Variants in RAD51B observed in about 807,000 individuals in gnomAD.
RAD51B encodes DNA repair protein RAD51 homolog 2.
Under a neutral mutation model 42.2 loss-of-function variants are expected in RAD51B, and 38 were observed. The observed-to-expected ratio is 0.90, with a 90% CI of 0.70 to 1.18. RAD51B has a LOEUF of 1.18. RAD51B is among the 50% of genes most tolerant of loss of function. The pLI is 0.00. For missense variants in RAD51B, 373 were observed against 400.7 expected, an observed-to-expected ratio of 0.93 and a Z score of 0.59; for synonymous variants, 154 against 145.2, an observed-to-expected ratio of 1.06 and a Z score of -0.43.
chr14:68,024,086 C>T (rs2075912241), intron 7 of RAD51B, among the ~76,000 whole-genome samples: 1 of 152,146 alleles, frequency 6.6e-6, no homozygotes, highest in Admixed American at 6.5e-5. Flanking sequence ...TATCCCAGCA[C>T]CATTTATTGA....
chr14:68,594,481 T>C (rs905138500), intron 10 of RAD51B: 1 of 1,367,480 alleles, frequency 7.3e-7, no homozygotes, highest in Non-Finnish European at 9.7e-7. Flanking sequence ...TCTCTCTCTC[T>C]TAGAGACAAC....
At chr14:68,102,764 G>A (rs891184332) in intron 7 of RAD51B, among the ~76,000 whole-genome samples, 6 of 151,864 alleles carry the variant, frequency 4.0e-5, no homozygotes, top group Non-Finnish European at 7.4e-5. Flanking sequence ...CACATTCTTG[G>A]GTATCCTTAT....
chr14:68,355,242 A>G lies in RAD51B; in HGVS notation c.854-56182A>G, dbSNP rs577871554. 3.9e-5 allele frequency among the ~76,000 whole-genome samples: 6 copies of G among 152,352 alleles called. No homozygotes were observed. In the East Asian group the frequency reaches 9.6e-4, roughly 24 times the overall value. ...TGTTTGTTAACTCTTTGAGTTTCATAAAGAAAACATTAATACAAATTTTAT... is the reference window on the plus strand; with the variant it reads ...TGTTTGTTAACTCTTTGAGTTTCATGAAGAAAACATTAATACAAATTTTAT... On this transcript the variant is annotated intron_variant, in intron 8 of 10. Transcript: ENST00000471583.
intron 8 of RAD51B, among the ~76,000 whole-genome samples, chr14:68,366,971 A>G (rs2083154248): frequency 6.6e-6 from 1 of 152,270 alleles, no homozygotes. Flanking sequence ...TATATCAAAC[A>G]TATAAGAAGG....
intron 7 of RAD51B, among the ~76,000 whole-genome samples, chr14:68,031,982 C>T (rs1421168454): frequency 6.6e-6 from 1 of 152,098 alleles, no homozygotes; most frequent in Non-Finnish European, 1.5e-5. Flanking sequence ...TATCTTTCTC[C>T]CAAATTCTGT....
chr14:68,423,738 A>G (rs1013629145), intron 9 of RAD51B, among the ~76,000 whole-genome samples: 9 of 152,216 alleles, frequency 5.9e-5, no homozygotes, highest in African/African-American at 1.9e-4. Context: ...GTCACCTTCA[A>G]TACTTATACT....
chr14:68,410,460 A>G lies in RAD51B; in HGVS notation c.854-964A>G, dbSNP rs960422752. On this transcript the variant is annotated intron_variant, in intron 8 of 10. Transcript: ENST00000471583. ...AGTCTCCTCATAGAAAAAAGATCGCATCTGGAGGCAACAAGGCACACTAAA... is the reference window on the plus strand; with the variant it reads ...AGTCTCCTCATAGAAAAAAGATCGCGTCTGGAGGCAACAAGGCACACTAAA... Among the ~76,000 whole-genome samples, 7 of 152,194 alleles carry G rather than the reference A, an allele frequency of 4.6e-5. No individual in the cohort carries two copies. In the East Asian group the frequency reaches 1.2e-3, roughly 25 times the overall value.
chr14:67,927,625 A>G lies in RAD51B; in HGVS notation c.756+40421A>G, dbSNP rs945556197. 7.7e-4 allele frequency among the ~76,000 whole-genome samples: 117 copies of G among 152,174 alleles called. 1 individual carries two copies. The highest frequency in any genetic ancestry group is 2.8e-3 in the African/African-American group (115 of 41,498). ...GTGCTGGGCTTATTTTGCGTAACAT[A>G]ATGACGTCCAATTCCATCCATGTCA... On this transcript the variant is annotated intron_variant, in intron 7 of 10. Coordinates refer to ENST00000471583, the MANE Select transcript of RAD51B (RefSeq NM_133510.4).
intron 7 of RAD51B, among the ~76,000 whole-genome samples, chr14:67,967,257 C>T (rs1232488160): frequency 6.6e-6 from 1 of 152,158 alleles, no homozygotes; most frequent in East Asian, 1.9e-4. Context: ...TATGGGAGTA[C>T]AGTTCAAGAT....
chr14:68,196,835 C>G (rs1273492670), intron 7 of RAD51B, among the ~76,000 whole-genome samples: 1 of 152,160 alleles, frequency 6.6e-6, no homozygotes, highest in African/African-American at 2.4e-5. Context: ...TATGCTTGCC[C>G]CACAAAGGTG....
intron 7 of RAD51B, among the ~76,000 whole-genome samples, chr14:67,965,535 A>C (rs2074756623): frequency 6.6e-6 from 1 of 152,132 alleles, no homozygotes; most frequent in South Asian, 2.1e-4. Context: ...CCCCATTAAC[A>C]CATAAGGGAT....
chr14:68,400,222 G>A (rs1289976440), intron 8 of RAD51B, among the ~76,000 whole-genome samples: 1 of 152,166 alleles, frequency 6.6e-6, no homozygotes, highest in Non-Finnish European at 1.5e-5. Context: ...TGGCCACCTG[G>A]CTTTCTCCTT....
intron 10 of RAD51B, among the ~76,000 whole-genome samples, chr14:68,524,225 A>G (rs1454534238): frequency 6.6e-6 from 1 of 152,234 alleles, no homozygotes; most frequent in East Asian, 1.9e-4. Context: ...ACCGACAGAG[A>G]GAGCTGCTGT....
At chr14:68,559,488 C>T (rs1392368802) in intron 10 of RAD51B, among the ~76,000 whole-genome samples, 1 of 151,770 alleles carries the variant, frequency 6.6e-6, no homozygotes, top group African/African-American at 2.4e-5. Context: ...TCAAGTGACC[C>T]TCCTGCCTCA....
intron 4 of RAD51B, among the ~76,000 whole-genome samples, chr14:67,847,721 T>C (rs1010526840): frequency 9.2e-5 from 14 of 152,216 alleles, no homozygotes; most frequent in African/African-American, 3.4e-4. Context: ...TCTTAGAGTA[T>C]GTTTCTTGTA....
chr14:68,028,678 C>T (rs2075992618), intron 7 of RAD51B, among the ~76,000 whole-genome samples: 1 of 152,218 alleles, frequency 6.6e-6, no homozygotes, highest in Non-Finnish European at 1.5e-5. Flanking sequence ...AGCATCCAGG[C>T]TGGACAGGAG....
At chr14:68,384,037 C>T (rs898145452) in intron 8 of RAD51B, among the ~76,000 whole-genome samples, 1 of 152,038 alleles carries the variant, frequency 6.6e-6, no homozygotes, top group Non-Finnish European at 1.5e-5. Flanking sequence ...TTTCCACTCA[C>T]AGGCTTCTTT....
intron 7 of RAD51B, among the ~76,000 whole-genome samples, chr14:68,213,719 A>G (rs1043210875): frequency 6.6e-6 from 1 of 152,198 alleles, no homozygotes; most frequent in African/African-American, 2.4e-5. Flanking sequence ...TGTCCAGAGT[A>G]CTAGGTCAGG....
chr14:68,179,777 GCATGCATTAGAATGCTAGGCTATGA>G lies in RAD51B; in HGVS notation c.757-112102_757-112078del, dbSNP rs1376935946. Reference sequence around the variant, plus strand: ...TTTAGGAGTAAGACTACCATAGAAAGCATGCATTAGAATGCTAGGCTATGACATGGGTAAACAGATGTTACATCTT... The same window carrying G: ...TTTAGGAGTAAGACTACCATAGAAAGCATGGGTAAACAGATGTTACATCTT... On this transcript the variant is annotated intron_variant, in intron 7 of 10. Coordinates refer to ENST00000471583, the MANE Select transcript of RAD51B (RefSeq NM_133510.4). 5.3e-5 allele frequency among the ~76,000 whole-genome samples: 8 copies of G among 152,218 alleles called. No homozygotes were observed. The East Asian group carries it at 1.5e-3, about 29-fold the overall frequency.
Sources: gnomAD v4.1 joint callset for allele counts (sites outside exome capture counted in the v4.1 genomes callset) on GRCh38, gnomAD v4.1.1 for gene constraint, MANE v1.5 for transcripts, NCBI Gene and HGNC (gene_info 2026-07-23, HGNC 2026-07-21) for gene names.